PPIL4: variants seen among roughly 807,000 people sequenced by gnomAD.
PPIL4 encodes peptidyl-prolyl cis-trans isomerase-like 4.
PPIL4 carries 50 observed loss-of-function variants against 69.1 expected under a neutral mutation model. The ratio of observed to expected loss-of-function variants is 0.72; its 90% CI spans 0.58 to 0.92. PPIL4 has a LOEUF of 0.92. Ranked by LOEUF, PPIL4 falls within the 40% of genes least tolerant of loss-of-function variation. PPIL4 has a pLI of 0.00. For missense variants in PPIL4, 480 were observed against 587.9 expected (o/e 0.82, Z 1.90); for synonymous variants, 193 against 191.6 (o/e 1.01, Z -0.06).
At chr6:149,539,947 T>C (rs981539320) in intron 4 of PPIL4, among the ~76,000 whole-genome samples, 1 of 151,876 alleles carries the variant, frequency 6.6e-6, no homozygotes, top group Admixed American at 6.6e-5. Context: ...CTGGCCAACA[T>C]GGCAAAACCC....
chr6:149,506,797 T>C (rs1331551482), intron 12 of PPIL4, among the ~76,000 whole-genome samples: 1 of 152,168 alleles, frequency 6.6e-6, no homozygotes, highest in African/African-American at 2.4e-5. Flanking sequence ...GGTTTCCCCA[T>C]GTTGCCCAGG....
intron 7 of PPIL4, among the ~76,000 whole-genome samples, chr6:149,527,716 CAG>C (rs1777128516): frequency 6.6e-6 from 1 of 152,180 alleles, no homozygotes; most frequent in Non-Finnish European, 1.5e-5. Context: ...TGCATATCAT[CAG>C]AGTTTTACCA....
At chr6:149,515,936 G>T (rs1437807624) in intron 11 of PPIL4, among the ~76,000 whole-genome samples, 1 of 151,598 alleles carries the variant, frequency 6.6e-6, no homozygotes. Flanking sequence ...TTCTCTTAAG[G>T]CCCATAAAGT....
At chr6:149,521,000 G>A (rs748310806) in intron 10 of PPIL4, 60 bp downstream of exon 10, 28 of 889,480 alleles carry the variant, frequency 3.1e-5, no homozygotes, top group South Asian at 4.3e-5. Context: ...GCAACAGAGC[G>A]AGACTCCATC....
At chr6:149,533,398 C>T (rs1172185028) in intron 7 of PPIL4, 60 bp downstream of exon 7, 3 of 890,596 alleles carry the variant, frequency 3.4e-6, no homozygotes, top group East Asian at 2.5e-5. Flanking sequence ...CAGAAATAAA[C>T]ACTCAGTAAG....
rs1185516951 is a variant in PPIL4 at position 149,526,526 on chromosome 6, AC to A, written c.803+125del. The A allele has an allele frequency of 6.9e-5, 54 of 782,534 alleles. No homozygotes were observed. The Middle Eastern group carries it at 1.9e-3, about 28-fold the overall frequency. The allele number at this position is 782,534 out of a possible 1,614,324, so 48.5% of individuals were successfully genotyped here. A position where few individuals can be genotyped will look rare whatever the true frequency, so the allele number is the denominator to read the frequency against. On this transcript the variant is annotated intron_variant, in intron 8 of 12. Transcript: ENST00000253329. ...TTTCTTCCCTACTGTCCAAAGACTCACCTGTAAAAATTCACCAGTACAAAAT... is the reference window on the plus strand; with the variant it reads ...TTTCTTCCCTACTGTCCAAAGACTCACTGTAAAAATTCACCAGTACAAAAT...
At chr6:149,527,885 A>G (rs1024221378) in intron 7 of PPIL4, among the ~76,000 whole-genome samples, 1 of 152,190 alleles carries the variant, frequency 6.6e-6, no homozygotes, top group African/African-American at 2.4e-5. Flanking sequence ...GAAAATAAAA[A>G]ACAGTAAGAA....
chr6:149,544,914 C>T (rs1329484782), intron 1 of PPIL4, among the ~76,000 whole-genome samples: 1 of 152,118 alleles, frequency 6.6e-6, no homozygotes, highest in African/African-American at 2.4e-5. Context: ...GTGGGTAGGA[C>T]CCTGTTTGTA....
intron 1 of PPIL4, among the ~76,000 whole-genome samples, chr6:149,543,404 G>A (rs545772765): frequency 1.3e-3 from 191 of 152,272 alleles, no homozygotes; most frequent in African/African-American, 4.4e-3. Flanking sequence ...AAGGAAAAAA[G>A]GGGGAGAACC....
chr6:149,518,021 TGCTAAATG>T (rs1776975237), intron 10 of PPIL4, among the ~76,000 whole-genome samples: 1 of 152,006 alleles, frequency 6.6e-6, no homozygotes, highest in African/African-American at 2.4e-5. Context: ...AGAGATACTC[TGCTAAATG>T]GCAACAGAGC....
At chr6:149,511,258 G>A (rs1046435104) in intron 12 of PPIL4, among the ~76,000 whole-genome samples, 6 of 151,588 alleles carry the variant, frequency 4.0e-5, no homozygotes, top group African/African-American at 1.5e-4. Flanking sequence ...TTTTGGAGAC[G>A]TGGTCTGGCT....
chr6:149,528,109 A>G (rs1777138285), intron 7 of PPIL4, among the ~76,000 whole-genome samples: 1 of 152,242 alleles, frequency 6.6e-6, no homozygotes, highest in Non-Finnish European at 1.5e-5. Context: ...TTTAAAAATT[A>G]GCCAGGCATG....
chr6:149,507,828 A>G (rs575613008), intron 12 of PPIL4, among the ~76,000 whole-genome samples: 7 of 152,328 alleles, frequency 4.6e-5, no homozygotes, highest in African/African-American at 1.7e-4. Flanking sequence ...GACATTTAGG[A>G]GATGTGTCAA....
chr6:149,540,533 T>C (rs1777343203), intron 4 of PPIL4, among the ~76,000 whole-genome samples: 1 of 152,162 alleles, frequency 6.6e-6, no homozygotes, highest in South Asian at 2.1e-4. Context: ...GAGAATTGCT[T>C]GAACCCGGGA....
intron 11 of PPIL4, among the ~76,000 whole-genome samples, chr6:149,514,457 G>A (rs181478496): frequency 4.6e-5 from 7 of 152,246 alleles, no homozygotes; most frequent in Non-Finnish European, 7.4e-5. Flanking sequence ...AAGTAGCTGT[G>A]ATTACAAGTG....
intron 11 of PPIL4, among the ~76,000 whole-genome samples, chr6:149,514,164 G>A (rs1015798763): frequency 3.3e-5 from 5 of 152,166 alleles, no homozygotes; most frequent in African/African-American, 4.8e-5. Context: ...TAGTCAGCTC[G>A]TACCATTCGG....
chr6:149,520,419 C>T (rs922790799), intron 10 of PPIL4, among the ~76,000 whole-genome samples: 2 of 152,052 alleles, frequency 1.3e-5, no homozygotes, highest in African/African-American at 4.8e-5. Flanking sequence ...TTAAGTTGTG[C>T]ACCTAAAAGA....
intron 4 of PPIL4, among the ~76,000 whole-genome samples, chr6:149,540,564 G>A (rs954426146): frequency 6.6e-4 from 100 of 152,294 alleles, no homozygotes; most frequent in Middle Eastern, 3.4e-3. Flanking sequence ...GCAGTGAGCC[G>A]AGGATTGTGC....
At chr6:149,532,368 C>G (rs780891831) in intron 7 of PPIL4, among the ~76,000 whole-genome samples, 3 of 152,160 alleles carry the variant, frequency 2.0e-5, no homozygotes, top group Non-Finnish European at 4.4e-5. Context: ...AGTCTGATAA[C>G]AATCTAAATT....
Sources: allele counts gnomAD v4.1 joint callset (sites outside exome capture counted in the v4.1 genomes callset), GRCh38; gene constraint gnomAD v4.1.1; transcripts MANE v1.5; gene names NCBI Gene and HGNC (gene_info 2026-07-23, HGNC 2026-07-21).